The following CDK13 variants were observed in gnomAD, a reference collection of about 807,000 sequenced individuals.
The protein encoded by CDK13 is cyclin-dependent kinase 13.
CDK13 carries 40 observed loss-of-function variants against 137.6 expected under a neutral mutation model. The observed-to-expected ratio is 0.29, with a 90% CI of 0.23 to 0.38. CDK13 has a LOEUF of 0.38. Among genes scored for constraint, CDK13 ranks in the 10% least tolerant of loss-of-function variants. The pLI is 1.00. For synonymous variants in CDK13, 869 were observed against 760.1 expected (o/e 1.14, Z -2.36); for missense variants, 1,704 against 1,951.8 (o/e 0.87, Z 2.39).
chr7:39,950,355 C>T lies in CDK13; in HGVS notation c.-287C>T. On this transcript the variant is annotated 5_prime_UTR_variant, in exon 1 of 14. Transcript: ENST00000181839. The stretch of plus-strand genomic sequence containing the variant: ...TCGGGACTCCCCCGCAGGTCAGCGC[C>T]CGGCGCATCTGGTGTTTTCGCTGCC... 2 of 1,187,896 alleles carry T rather than the reference C, an allele frequency of 1.7e-6. No homozygotes were observed. The highest frequency in any genetic ancestry group is 4.2e-5 in the South Asian group (1 of 23,702). The allele number at this position is 1,187,896 out of a possible 1,614,324, so 73.6% of individuals were successfully genotyped here.
At position 40,002,203 on chromosome 7, in the gene CDK13, G is replaced by A. The variant is rs17496388; in HGVS notation, c.2353+172G>A. ...AATAATGAATTGATTTACTTTAGTG[G>A]TTTTTGAGTAAACTTCGTAAAGGGT... On this transcript the variant is annotated intron_variant, in intron 5 of 13. Coordinates refer to ENST00000181839, the MANE Select transcript of CDK13 (RefSeq NM_003718.5). 14,237 of 478,054 alleles carry A rather than the reference G, an allele frequency of 0.03. 312 individuals are homozygous for A. Among genetic ancestry groups the A allele is most frequent in the Non-Finnish European group, 0.039 (10,645 of 274,830 alleles). 29.6% of individuals were successfully genotyped at this position (478,054 alleles called of 1,614,324 possible). A position where few individuals can be genotyped will look rare whatever the true frequency, so the allele number is the denominator to read the frequency against.
chr7:40,013,228 G>T (rs888867453), intron 5 of CDK13, among the ~76,000 whole-genome samples: 1 of 152,136 alleles, frequency 6.6e-6, no homozygotes, highest in African/African-American at 2.4e-5. Flanking sequence ...GGGACAGAAA[G>T]TAGAATGATG....
At chr7:40,013,252 TAAGAG>T (rs1784934114) in intron 5 of CDK13, among the ~76,000 whole-genome samples, 1 of 152,124 alleles carries the variant, frequency 6.6e-6, no homozygotes, top group Admixed American at 6.6e-5. Flanking sequence ...ACTAGGGGCT[TAAGAG>T]AGAGAGGAAT....
At chr7:40,002,908 A>C (rs2116330781) in intron 5 of CDK13, among the ~76,000 whole-genome samples, 1 of 151,584 alleles carries the variant, frequency 6.6e-6, no homozygotes, top group African/African-American at 2.4e-5. Flanking sequence ...CTACAAAAAA[A>C]AAAAAAAAAA....
chr7:40,013,602 T>C (rs886927983), intron 5 of CDK13, among the ~76,000 whole-genome samples: 1 of 152,052 alleles, frequency 6.6e-6, no homozygotes. Flanking sequence ...GCCAGAGACA[T>C]GGGGAGGGGA....
At chr7:39,985,991 T>C (rs893232367) in intron 1 of CDK13, 1 of 152,230 alleles carries the variant, frequency 6.6e-6, no homozygotes, top group African/African-American at 2.4e-5. Context: ...TGCCTCCTTC[T>C]GTCAGTGGCA....
intron 1 of CDK13, among the ~76,000 whole-genome samples, chr7:39,987,387 G>A (rs1300896184): frequency 3.9e-5 from 6 of 152,088 alleles, no homozygotes. Flanking sequence ...GTAGACCAGA[G>A]CGAGATCAGG....
intron 5 of CDK13, among the ~76,000 whole-genome samples, chr7:40,033,819 T>C (rs1363876773): frequency 1.3e-5 from 2 of 152,204 alleles, no homozygotes. Flanking sequence ...TGGTCTGTAG[T>C]CTCTACAAGT....
chr7:40,005,165 C>G (rs944087626), intron 5 of CDK13, among the ~76,000 whole-genome samples: 7 of 115,360 alleles, frequency 6.1e-5, no homozygotes, highest in Non-Finnish European at 1.3e-4. Flanking sequence ...CAGAGCGAGA[C>G]TCTTGTCTCA....
chr7:40,040,377 T>C (rs1785579942), intron 5 of CDK13, among the ~76,000 whole-genome samples: 1 of 152,260 alleles, frequency 6.6e-6, no homozygotes, highest in South Asian at 2.1e-4. Context: ...CTGAATTTTC[T>C]GTTTTATTTC....
chr7:39,982,841 C>T (rs1784258317), intron 1 of CDK13, among the ~76,000 whole-genome samples: 1 of 152,144 alleles, frequency 6.6e-6, no homozygotes. Flanking sequence ...TTCATATCCT[C>T]TGCCCACTTT....
intron 11 of CDK13, 53 bp from the exon 12 acceptor site, chr7:40,088,073 G>A: frequency 6.7e-7 from 1 of 1,491,148 alleles, no homozygotes; most frequent in East Asian, 2.3e-5. Flanking sequence ...AGTAACTGTA[G>A]CATTTTTTGT....
chr7:40,091,032 A>C (rs907573654), intron 12 of CDK13, among the ~76,000 whole-genome samples: 1 of 152,010 alleles, frequency 6.6e-6, no homozygotes, highest in African/African-American at 2.4e-5. Flanking sequence ...CCAACATGGC[A>C]AAACCATGTC....
At chr7:40,091,661 T>C (rs1786927550) in intron 12 of CDK13, among the ~76,000 whole-genome samples, 1 of 152,168 alleles carries the variant, frequency 6.6e-6, no homozygotes, top group Admixed American at 6.5e-5. Context: ...CATCCCTGAA[T>C]TCATATGGAG....
intron 3 of CDK13, 31 bp downstream of exon 3, chr7:39,997,695 T>C: frequency 2.6e-6 from 4 of 1,559,912 alleles, no homozygotes; most frequent in Non-Finnish European, 3.5e-6. Flanking sequence ...TGCTCTTAAA[T>C]TGACCAGCAG....
chr7:40,088,411 A>G (rs1285262130), intron 12 of CDK13, 80 bp downstream of exon 12: 7 of 1,080,550 alleles, frequency 6.5e-6, no homozygotes, highest in East Asian at 2.5e-5. Context: ...ATGTTAAAGC[A>G]TCTTGTGGCT....
chr7:40,055,113 T>A (rs569845621), intron 7 of CDK13, among the ~76,000 whole-genome samples: 44 of 152,000 alleles, frequency 2.9e-4, no homozygotes, highest in Non-Finnish European at 4.3e-4. Flanking sequence ...TAACAACTTA[T>A]TGAAGTTACT....
rs916024990 is a variant in CDK13, at chr7:40,065,482, C to CA, written c.2780+2392dup. ...GATTGATAGGCTAAAAAAAAAATTC[C>CA]AAAAAAAAAATCTCATAATATTTTA... On this transcript the variant is annotated intron_variant, in intron 9 of 13. Coordinates refer to ENST00000181839, the MANE Select transcript of CDK13 (RefSeq NM_003718.5). 2.5e-3 allele frequency among the ~76,000 whole-genome samples: 365 copies of CA among 148,372 alleles called. 1 individual carries two copies. Among genetic ancestry groups the CA allele is most frequent in the Middle Eastern group, 7.0e-3 (2 of 286 alleles).
chr7:39,995,142 T>C (rs1185817584), intron 2 of CDK13, among the ~76,000 whole-genome samples: 1 of 152,108 alleles, frequency 6.6e-6, no homozygotes. Flanking sequence ...AGAAGTGTTT[T>C]TAAAAAGCTC....
Sources: allele counts gnomAD v4.1 joint callset (sites outside exome capture counted in the v4.1 genomes callset), GRCh38; gene constraint gnomAD v4.1.1; transcripts MANE v1.5; gene names NCBI Gene and HGNC (gene_info 2026-07-23, HGNC 2026-07-21).